The following SDE2 variants were observed in gnomAD, a reference collection of about 807,000 sequenced individuals.
SDE2 encodes splicing regulator SDE2.
Under a neutral mutation model 46.9 loss-of-function variants are expected in SDE2, and 31 were observed. The ratio of observed to expected loss-of-function variants is 0.66; its 90% CI spans 0.50 to 0.89. SDE2 has a LOEUF of 0.89. SDE2 is among the 40% of genes least tolerant of loss of function. The pLI is 0.00. For synonymous variants in SDE2, 205 were observed against 204.3 expected, an observed-to-expected ratio of 1.00 and a Z score of -0.03; for missense variants, 542 against 564.4, an observed-to-expected ratio of 0.96 and a Z score of 0.40.
At chr1:225,990,532 G>T (rs866102383) in intron 5 of SDE2, among the ~76,000 whole-genome samples, 6 of 152,012 alleles carry the variant, frequency 3.9e-5, no homozygotes, top group South Asian at 2.1e-4. Context: ...CAAAAAGGGT[G>T]AATTTTGCTA....
chr1:225,991,496 T>C (rs935493294), intron 4 of SDE2, 133 bp from the exon 5 acceptor site: 2 of 626,722 alleles, frequency 3.2e-6, no homozygotes, highest in Non-Finnish European at 5.4e-6. Context: ...CAACATTTTA[T>C]ACAGTTAATC....
chr1:225,985,815 A>C (rs1002935278), intron 6 of SDE2, among the ~76,000 whole-genome samples: 1 of 152,194 alleles, frequency 6.6e-6, no homozygotes, highest in Non-Finnish European at 1.5e-5. Context: ...GTAAACATCT[A>C]AACAGTAAAA....
chr1:225,985,476 T>G lies in SDE2; in HGVS notation c.1182A>C (p.Ala394=), dbSNP rs759893572. The G allele has an allele frequency of 1.2e-5, 20 of 1,613,954 alleles. No individual in the cohort carries two copies. In the African/African-American group the frequency reaches 2.4e-4, roughly 19 times the overall value. ...TCTCCAAACCCAGCAACTCCAGTTC[T>G]GCAACAGAGGTGAACGCCAATAAAT... ...TIDLLAFTSV[A]ELELLGLEKL... is the part of the protein sequence containing the mutation. The change falls in exon 7 of 7, where the codon GCA becomes GCC. Residue 394 remains alanine (A), a synonymous_variant. Transcript: ENST00000272091.
At chr1:225,997,320 G>A (rs1656550367) in intron 1 of SDE2, among the ~76,000 whole-genome samples, 1 of 152,088 alleles carries the variant, frequency 6.6e-6, no homozygotes, top group African/African-American at 2.4e-5. Flanking sequence ...GTGTGAACTT[G>A]AGCTATTCTT....
Position 225,992,923 on chromosome 1 carries a change from T to C in SDE2, c.318A>G (p.Gly106=), listed in dbSNP as rs1387438811. The change falls in exon 3 of 7, where the codon GGA becomes GGG. Residue 106 remains glycine (G), a synonymous_variant. Coordinates refer to ENST00000272091, the MANE Select transcript of SDE2 (RefSeq NM_152608.4). ...TNREACRDLS[G]RRLRDVNHEK... ...CATGATTGACATCGCGTAGTCTCCTTCCACTGAGATCCCGACAAGCTTCTC... is the reference window on the plus strand; with the variant it reads ...CATGATTGACATCGCGTAGTCTCCTCCCACTGAGATCCCGACAAGCTTCTC... 2.5e-6 allele frequency: 4 copies of C among 1,612,568 alleles called. No individual in the cohort carries two copies. Among genetic ancestry groups the C allele is most frequent in the Admixed American group, 3.3e-5 (2 of 59,974 alleles).
At chr1:225,992,782 G>T in intron 3 of SDE2, 109 bp downstream of exon 3, 1 of 703,708 alleles carries the variant, frequency 1.4e-6, no homozygotes, top group Non-Finnish European at 2.4e-6. Flanking sequence ...AAATTTGGAT[G>T]TAAATATTTT....
intron 6 of SDE2, among the ~76,000 whole-genome samples, chr1:225,986,593 A>C (rs1385284246): frequency 6.6e-6 from 1 of 152,210 alleles, no homozygotes; most frequent in Non-Finnish European, 1.5e-5. Flanking sequence ...TTAAAGAATC[A>C]CACTTGGTTG....
At chr1:225,988,499 G>C (rs1174074851) in intron 5 of SDE2, 111 bp from the exon 6 acceptor site, 1 of 1,039,640 alleles carries the variant, frequency 9.6e-7, no homozygotes, top group Non-Finnish European at 1.4e-6. Context: ...GGGAGGCCAA[G>C]GCAGGCAGAT....
chr1:225,995,352 C>A lies in SDE2; in HGVS notation c.152G>T (p.Cys51Phe). The A allele has an allele frequency of 6.2e-7, 1 of 1,611,212 alleles. No individual in the cohort carries two copies. The highest frequency in any genetic ancestry group is 2.2e-5 in the East Asian group (1 of 44,866). Reference protein sequence around the residue: ...NVPVENFFVKCNGALINTSDT... With the variant: ...NVPVENFFVKFNGALINTSDT... Reference sequence around the variant, plus strand: ...ACTGGTGTTAATGAGTGCTCCATTGCATTTCACAAAGAAGTTTTCCACTGG... The same window carrying A: ...ACTGGTGTTAATGAGTGCTCCATTGAATTTCACAAAGAAGTTTTCCACTGG... Residue 51 changes from cysteine (C) to phenylalanine (F), a missense_variant, in exon 2 of 7, where the codon TGC becomes TTC. This residue lies in a region of SDE2 where 135 missense variants were observed against 106.5 expected (regional missense o/e 1.27). Coordinates refer to ENST00000272091, the MANE Select transcript of SDE2 (RefSeq NM_152608.4).
At chr1:225,991,161 T>C (rs1460462197) in intron 5 of SDE2, 82 bp downstream of exon 5, 10 of 1,401,364 alleles carry the variant, frequency 7.1e-6, no homozygotes, top group Non-Finnish European at 8.9e-6. Context: ...TACACAAAAA[T>C]GTGTTTATGC....
At chr1:225,993,895 A>G (rs1422382118) in intron 2 of SDE2, among the ~76,000 whole-genome samples, 3 of 150,824 alleles carry the variant, frequency 2.0e-5, no homozygotes, top group African/African-American at 7.3e-5. Context: ...ACAGCCTCCC[A>G]AGTTGCTAGG....
chr1:225,985,632 C>CT lies in SDE2; in HGVS notation c.1135-110dup, dbSNP rs1456705350. Reference sequence around the variant, plus strand: ...GAAATTTTCATTTAATTTGCCATACCTTGCAACTGAATTTTAATCATCATC... The same window carrying CT: ...GAAATTTTCATTTAATTTGCCATACCTTTGCAACTGAATTTTAATCATCATC... On this transcript the variant is annotated intron_variant, in intron 6 of 6. Transcript: ENST00000272091. 5 of 686,200 alleles carry CT rather than the reference C, an allele frequency of 7.3e-6. No individual in the cohort carries two copies. The Admixed American group carries it at 1.3e-4, about 18-fold the overall frequency. 42.5% of individuals were successfully genotyped at this position (686,200 alleles called of 1,614,324 possible). A position where few individuals can be genotyped will look rare whatever the true frequency, so the allele number is the denominator to read the frequency against.
In SDE2 at chr1:225,999,305, T is replaced by TC; in HGVS notation, c.7dup (p.Glu3GlyfsTer55). 6.2e-7 allele frequency: 1 copy of TC among 1,611,064 alleles called. No individual in the cohort carries two copies. The highest frequency in any genetic ancestry group is 8.5e-7 in the Non-Finnish European group (1 of 1,178,842). On this transcript the variant is annotated frameshift_variant, in exon 1 of 7. Transcript: ENST00000272091. LOFTEE classifies it high-confidence loss of function. ...GCGAATCCACACCAGCGCCGCGGCCTCCGCCATGTCACCGACTACCCGAAC... is the reference window on the plus strand; with the variant it reads ...GCGAATCCACACCAGCGCCGCGGCCTCCCGCCATGTCACCGACTACCCGAAC...
At chr1:225,988,833 A>T (rs1450429104) in intron 5 of SDE2, among the ~76,000 whole-genome samples, 1 of 152,246 alleles carries the variant, frequency 6.6e-6, no homozygotes, top group Non-Finnish European at 1.5e-5. Flanking sequence ...AAGATATTCT[A>T]GAGCTTATAA....
Position 225,999,278 on chromosome 1 carries a change from C to T in SDE2, c.35G>A (p.Gly12Asp), listed in dbSNP as rs1482914971. The T allele has an allele frequency of 6.2e-7, 1 of 1,612,434 alleles. No individual in the cohort carries two copies. Among genetic ancestry groups the T allele is most frequent in the South Asian group, 1.1e-5 (1 of 90,918 alleles). Residue 12 changes from glycine (G) to aspartate (D), a missense_variant, in exon 1 of 7, where the codon GGC becomes GAC. Transcript: ENST00000272091. ...AEAAALVWIR[G>D]PGFGCKAVRC... ...CACCGCCTTGCACCCGAAGCCAGGG[C>T]CGCGAATCCACACCAGCGCCGCGGC...
rs1201896444 is a variant in SDE2, at chr1:225,992,463, G to A, written c.455C>T (p.Thr152Ile). 4.3e-6 allele frequency: 7 copies of A among 1,613,546 alleles called. No homozygotes were observed. The highest frequency in any genetic ancestry group is 5.9e-6 in the Non-Finnish European group (7 of 1,179,788). The change falls in exon 4 of 7, where the codon ACC (threonine) becomes ATC (isoleucine). Residue 152 changes from threonine (T) to isoleucine (I), a missense_variant. Coordinates refer to ENST00000272091, the MANE Select transcript of SDE2 (RefSeq NM_152608.4). ...RKLVEPKHCF[T>I]SPDYQQQCHE... ...GCACTGCTGCTGGTAGTCGGGGCTG[G>A]TGAAGCAGTGCTTGGGTTCTACAAG...
chr1:225,995,736 C>G (rs978404662), intron 1 of SDE2, among the ~76,000 whole-genome samples: 3 of 152,060 alleles, frequency 2.0e-5, no homozygotes, highest in African/African-American at 7.2e-5. Context: ...CTTTCTTAAA[C>G]AGGTAAAATT....
In SDE2 at chr1:225,982,823, A is replaced by G. The variant is rs918349081; in HGVS notation, c.*2479T>C. On this transcript the variant is annotated 3_prime_UTR_variant, in exon 7 of 7. Transcript: ENST00000272091. ...TACAATATTTAAATATGTAGATTTA[A>G]TATGTATGACAACTACAGCATAAAA... The G allele has an allele frequency of 2.6e-5, 4 of 152,172 alleles. No individual in the cohort carries two copies. The highest frequency in any genetic ancestry group is 2.4e-5 in the African/African-American group (1 of 41,466). The allele number at this position is 152,172 out of a possible 1,614,324, so 9.4% of individuals were successfully genotyped here.
In SDE2 at chr1:225,991,294, G is replaced by C; in HGVS notation, c.590C>G (p.Thr197Ser). Residue 197 changes from threonine to serine, a missense_variant, in exon 5 of 7, where the codon ACT becomes AGT. Thr to Ser is a moderately conservative substitution (Grantham distance 58). This residue lies in a region of SDE2 where 401 missense variants were observed against 437.8 expected (regional missense o/e 0.92). Transcript: ENST00000272091. ...ISENRKRQWP[T>S]KSQTDRGASA... is the part of the protein sequence containing the mutation. ...GGCTCCTCTGTCTGTTTGAGATTTA[G>C]TAGGCCATTGCCGTTTCCGATTCTC... is the stretch of plus-strand genomic sequence containing the variant. 1 of 1,613,830 alleles carries C rather than the reference G, an allele frequency of 6.2e-7. No homozygotes were observed.
Sources: gnomAD v4.1 joint callset for allele counts (sites outside exome capture counted in the v4.1 genomes callset) on GRCh38, gnomAD v4.1.1 for gene constraint, gnomAD v4.1.1 regional missense constraint, MANE v1.5 for transcripts, NCBI Gene and HGNC (gene_info 2026-07-23, HGNC 2026-07-21) for gene names.